The following LRRC1 variants were observed in gnomAD, a reference collection of about 807,000 sequenced individuals.
LRRC1 encodes leucine rich repeat containing 1.
LRRC1 carries 28 observed loss-of-function variants against 69.9 expected under a neutral mutation model. The observed-to-expected ratio is 0.40, with a 90% CI of 0.30 to 0.55. The LOEUF (loss-of-function observed/expected upper bound fraction) is 0.55. Among genes scored for constraint, LRRC1 ranks in the 20% least tolerant of loss-of-function variants. LRRC1 has a pLI of 0.47. For missense variants in LRRC1, 498 were observed against 609.0 expected (o/e 0.82, Z 1.92); for synonymous variants, 236 against 240.2 (o/e 0.98, Z 0.16).
chr6:53,886,999 AC>A (rs1767507391), intron 4 of LRRC1, among the ~76,000 whole-genome samples: 2 of 152,202 alleles, frequency 1.3e-5, no homozygotes, highest in Admixed American at 6.5e-5. Context: ...CCAAACAAAT[AC>A]ACGTGACAAG....
Position 53,919,503 on chromosome 6 carries a change from T to C in LRRC1, c.1112T>C (p.Leu371Pro). The C allele has an allele frequency of 6.5e-7, 1 of 1,545,810 alleles. No homozygotes were observed. Among genetic ancestry groups the C allele is most frequent in the Non-Finnish European group, 8.7e-7 (1 of 1,155,616 alleles). The change falls in exon 12 of 14, where the codon CTG (leucine) becomes CCG (proline). Residue 371 changes from leucine (L) to proline (P), a missense_variant. Around this residue, in one of 3 missense-constraint regions of LRRC1, gnomAD observed 266 missense variants for 383.9 expected, o/e 0.69. Transcript: ENST00000370888. The part of the protein sequence containing the change: ...HVLDVAGNRL[L>P]HLPLSLTALK... Reference sequence around the variant, plus strand: ...AAAAAAAAAAAAAAAAACAGGTTGCTGCATCTACCTTTATCCCTGACTGCC... The same window carrying C: ...AAAAAAAAAAAAAAAAACAGGTTGCCGCATCTACCTTTATCCCTGACTGCC...
intron 4 of LRRC1, among the ~76,000 whole-genome samples, chr6:53,895,793 A>G (rs972053026): frequency 6.6e-6 from 1 of 152,258 alleles, no homozygotes; most frequent in Non-Finnish European, 1.5e-5. Flanking sequence ...ATTACATCCA[A>G]GAGGCTGGAG....
At chr6:53,815,487 C>T (rs889228324) in intron 1 of LRRC1, among the ~76,000 whole-genome samples, 1 of 152,036 alleles carries the variant, frequency 6.6e-6, no homozygotes, top group Non-Finnish European at 1.5e-5. Context: ...CCTTTTTCTC[C>T]ACATACTTGC....
intron 1 of LRRC1, among the ~76,000 whole-genome samples, chr6:53,822,699 T>G (rs1173321477): frequency 6.6e-6 from 1 of 152,208 alleles, no homozygotes; most frequent in African/African-American, 2.4e-5. Flanking sequence ...AATTGAAATC[T>G]CACTGACTGT....
chr6:53,815,326 C>G (rs1489044295), intron 1 of LRRC1, among the ~76,000 whole-genome samples: 1 of 152,128 alleles, frequency 6.6e-6, no homozygotes, highest in African/African-American at 2.4e-5. Context: ...TTGTCATCTC[C>G]GAGCCTCATT....
intron 8 of LRRC1, among the ~76,000 whole-genome samples, chr6:53,902,103 A>T (rs1271136900): frequency 1.3e-5 from 2 of 152,180 alleles, no homozygotes; most frequent in Non-Finnish European, 2.9e-5. Flanking sequence ...AACAGTGGGT[A>T]TCACCAGGAC....
intron 3 of LRRC1, among the ~76,000 whole-genome samples, chr6:53,880,533 A>G (rs1767254891): frequency 1.3e-5 from 2 of 152,152 alleles, no homozygotes; most frequent in African/African-American, 2.4e-5. Context: ...CTGCTGTAAC[A>G]TAAAGTGCTT....
chr6:53,795,215 C>G lies in LRRC1; in HGVS notation c.-42C>G, dbSNP rs1239882345. ...GCCAGAGCGGGCTCGGAGCCCGGGT[C>G]TCCGCCGCTCGGGACCCGGCTAGGC... On this transcript the variant is annotated 5_prime_UTR_variant, in exon 1 of 14. Transcript: ENST00000370888. 3.2e-6 allele frequency: 5 copies of G among 1,550,528 alleles called. No individual in the cohort carries two copies. Among genetic ancestry groups the G allele is most frequent in the African/African-American group, 1.4e-5 (1 of 73,258 alleles).
chr6:53,850,108 A>G (rs1766080305), intron 2 of LRRC1, among the ~76,000 whole-genome samples: 1 of 149,652 alleles, frequency 6.7e-6, no homozygotes, highest in African/African-American at 2.5e-5. Context: ...AGTACTTACT[A>G]AATGTAAGGC....
At chr6:53,815,060 C>T (rs1764911681) in intron 1 of LRRC1, among the ~76,000 whole-genome samples, 1 of 151,358 alleles carries the variant, frequency 6.6e-6, no homozygotes, top group South Asian at 2.1e-4. Flanking sequence ...TTATGAGAAG[C>T]ACCTGGGGAG....
chr6:53,817,816 T>A (rs1400597284), intron 1 of LRRC1, among the ~76,000 whole-genome samples: 2 of 152,150 alleles, frequency 1.3e-5, no homozygotes, highest in African/African-American at 2.4e-5. Flanking sequence ...AGTTTTTGTA[T>A]CCCTAGAATC....
intron 5 of LRRC1, 98 bp from the exon 6 acceptor site, chr6:53,896,731 A>C: frequency 1.0e-6 from 1 of 995,026 alleles, no homozygotes; most frequent in Non-Finnish European, 1.5e-6. Context: ...AAAAATAAAA[A>C]TGGACCTTAT....
At chr6:53,906,895 A>G (rs1297983312) in intron 10 of LRRC1, among the ~76,000 whole-genome samples, 1 of 152,210 alleles carries the variant, frequency 6.6e-6, no homozygotes, top group African/African-American at 2.4e-5. Context: ...CCTCCTACTT[A>G]CATACACTCA....
chr6:53,809,545 A>C (rs1453702242), intron 1 of LRRC1, among the ~76,000 whole-genome samples: 1 of 152,246 alleles, frequency 6.6e-6, no homozygotes, highest in African/African-American at 2.4e-5. Flanking sequence ...TTACTGTTTA[A>C]AAGGAAATTT....
intron 4 of LRRC1, 55 bp from the exon 5 acceptor site, chr6:53,896,443 A>T: frequency 1.4e-6 from 2 of 1,428,992 alleles, no homozygotes; most frequent in Non-Finnish European, 2.0e-6. Flanking sequence ...GAAGGGAGGT[A>T]GGAAGAATCT....
rs1187621698 is a variant in LRRC1, at chr6:53,795,164, G to C, written c.-93G>C. ...CAAGAGCCAACAACGAGCGCGGAGA[G>C]GGCAGCGGACTGAGCGGAGCCGCCG... On this transcript the variant is annotated 5_prime_UTR_variant, in exon 1 of 14. Coordinates refer to ENST00000370888, the MANE Select transcript of LRRC1 (RefSeq NM_018214.5). The C allele has an allele frequency of 1.7e-6, 2 of 1,148,700 alleles. No homozygotes were observed. Among genetic ancestry groups the C allele is most frequent in the Admixed American group, 5.7e-5 (2 of 35,258 alleles). 71.2% of individuals were successfully genotyped at this position (1,148,700 alleles called of 1,614,324 possible).
intron 4 of LRRC1, among the ~76,000 whole-genome samples, chr6:53,884,346 AC>A (rs1352766230): frequency 1.3e-5 from 2 of 151,958 alleles, no homozygotes; most frequent in African/African-American, 4.8e-5. Context: ...CTCTACAAAA[AC>A]AAAAAAAAAA....
At chr6:53,821,981 A>AT (rs758395726) in intron 1 of LRRC1, among the ~76,000 whole-genome samples, 19 of 151,122 alleles carry the variant, frequency 1.3e-4, no homozygotes, top group Admixed American at 2.0e-4. Flanking sequence ...AGTCAAAAGC[A>AT]TTTAGGCATT....
At chr6:53,839,775 G>A (rs1765713771) in intron 1 of LRRC1, among the ~76,000 whole-genome samples, 1 of 152,144 alleles carries the variant, frequency 6.6e-6, no homozygotes, top group East Asian at 1.9e-4. Context: ...TTTATATTAT[G>A]ATTATATATT....
Sources: gnomAD v4.1 joint callset for allele counts (sites outside exome capture counted in the v4.1 genomes callset) on GRCh38, gnomAD v4.1.1 for gene constraint, gnomAD v4.1.1 regional missense constraint, MANE v1.5 for transcripts, NCBI Gene and HGNC (gene_info 2026-07-23, HGNC 2026-07-21) for gene names.